Variants in ZNF276 observed in about 807,000 individuals in gnomAD.
ZNF276 encodes centromere protein Z.
In ZNF276, 59 loss-of-function variants were observed where a neutral mutation model predicts 63.9. The observed-to-expected ratio is 0.92, with a 90% CI of 0.75 to 1.15. The LOEUF is 1.15. ZNF276 is among the 50% of genes most tolerant of loss of function. ZNF276 has a pLI of 0.00. For missense variants in ZNF276, 1,084 were observed against 843.8 expected (o/e 1.28, Z -3.53); for synonymous variants, 496 against 348.4 (o/e 1.42, Z -4.72).
rs543498594 is a variant in ZNF276 at position 89,736,029 on chromosome 16, C to T, written c.1475-1777C>T. On this transcript the variant is annotated intron_variant, in intron 9 of 10. Transcript: ENST00000443381. Reference sequence around the variant, plus strand: ...GCCTCAGCCTCCCAAATAGCTGGGACTACAGGTGCTGGCCACCACACCCAA... The same window carrying T: ...GCCTCAGCCTCCCAAATAGCTGGGATTACAGGTGCTGGCCACCACACCCAA... Among the ~76,000 whole-genome samples, 17 of 152,114 alleles carry T rather than the reference C, an allele frequency of 1.1e-4. No homozygotes were observed. In the South Asian group the frequency reaches 3.5e-3, roughly 32 times the overall value.
chr16:89,738,966 G>A lies in ZNF276; in HGVS notation c.*720G>A, dbSNP rs776860862. 9.9e-6 allele frequency: 16 copies of A among 1,614,186 alleles called. No individual in the cohort carries two copies. The highest frequency in any genetic ancestry group is 4.0e-5 in the African/African-American group (3 of 75,064). ...GACGAGCTTTTGTTATCAGTTCCAC[G>A]GGGTTGCCCTAGAGAGAAAACAGGC... On this transcript the variant is annotated 3_prime_UTR_variant, in exon 11 of 11. Transcript: ENST00000443381.
At position 89,723,541 on chromosome 16, in the gene ZNF276, G is replaced by A; in HGVS notation, c.838G>A (p.Gly280Arg). Residue 280 changes from glycine to arginine, a missense_variant, in exon 4 of 11, where the codon GGG becomes AGG. Coordinates refer to ENST00000443381, the MANE Select transcript of ZNF276 (RefSeq NM_001113525.2). ...RLPQHRGWNP[G>R]DAPQTSQGRG... ...GCCCCAGCACCGAGGGTGGAACCCTGGGGATGCCCCTCAGACCTCCCAGGG... is the reference window on the plus strand; with the variant it reads ...GCCCCAGCACCGAGGGTGGAACCCTAGGGATGCCCCTCAGACCTCCCAGGG... 1 of 1,612,814 alleles carries A rather than the reference G, an allele frequency of 6.2e-7. No individual in the cohort carries two copies. The highest frequency in any genetic ancestry group is 8.5e-7 in the Non-Finnish European group (1 of 1,179,970).
At chr16:89,724,804 A>G (rs941223699) in intron 4 of ZNF276, among the ~76,000 whole-genome samples, 10 of 145,496 alleles carry the variant, frequency 6.9e-5, no homozygotes, top group Admixed American at 3.5e-4. Context: ...GAACAATTCT[A>G]TCTATCTGTG....
intron 1 of ZNF276, among the ~76,000 whole-genome samples, 178 bp from the exon 2 acceptor site, chr16:89,722,353 G>T (rs2061320609): frequency 6.6e-6 from 1 of 152,232 alleles, no homozygotes; most frequent in Non-Finnish European, 1.5e-5. Context: ...TTGGACCAGC[G>T]GCCACATCCC....
chr16:89,740,659 C>A lies in ZNF276; in HGVS notation c.*2413C>A. On this transcript the variant is annotated 3_prime_UTR_variant, in exon 11 of 11. Transcript: ENST00000443381. ...CTCAAAAAAAAAAAAAAAAAACCCA[C>A]GGCCTGGGAGTTCTCACTCACACTT... is the stretch of plus-strand genomic sequence containing the variant. 1.5e-6 allele frequency: 1 copy of A among 652,780 alleles called. No homozygotes were observed. The highest frequency in any genetic ancestry group is 2.7e-6 in the Non-Finnish European group (1 of 366,834). The allele number at this position is 652,780 out of a possible 1,614,324, so 40.4% of individuals were successfully genotyped here.
At chr16:89,736,378 G>A (rs1399927620) in intron 9 of ZNF276, among the ~76,000 whole-genome samples, 2 of 149,216 alleles carry the variant, frequency 1.3e-5, no homozygotes, top group African/African-American at 2.5e-5. Flanking sequence ...AGCCTGGAGT[G>A]CAGCTGTGCA....
chr16:89,723,691 C>T lies in ZNF276; in HGVS notation c.988C>T (p.Pro330Ser), dbSNP rs1436507689. The T allele has an allele frequency of 6.2e-7, 1 of 1,610,480 alleles. No individual in the cohort carries two copies. The highest frequency in any genetic ancestry group is 8.5e-7 in the Non-Finnish European group (1 of 1,178,620). Residue 330 changes from proline (P) to serine (S), a missense_variant, in exon 4 of 11, where the codon CCC becomes TCC. Transcript: ENST00000443381. ...GGGCTTCCCACCTCAGCCAAGCCTG[C>T]CCCTTTGCAGGGCCCCAGGTAGGAG... ...RSGFPPQPSL[P>S]LCRAPGQLGE...
upstream of ZNF276, chr16:89,720,613 C>T (rs1263583467): frequency 2.5e-6 from 3 of 1,221,792 alleles, no homozygotes; most frequent in African/African-American, 1.6e-5. Context: ...GCCCCGCCCC[C>T]GTCCTCGCCC....
In ZNF276 at chr16:89,721,576, C is replaced by T. The variant is rs547774765; in HGVS notation, c.-65C>T. 7.7e-5 allele frequency: 110 copies of T among 1,429,470 alleles called. No individual in the cohort carries two copies. The highest frequency in any genetic ancestry group is 5.5e-4 in the African/African-American group (37 of 67,086). The allele number at this position is 1,429,470 out of a possible 1,614,324, so 88.5% of individuals were successfully genotyped here. ...CCAGCGCGCCGAGCGGAGCCTAACG[C>T]CGGGTCCTCTAGGAACCTCGGGCCG... On this transcript the variant is annotated 5_prime_UTR_variant, in exon 1 of 11. Transcript: ENST00000443381.
At chr16:89,736,891 C>T (rs755980791) in intron 9 of ZNF276, among the ~76,000 whole-genome samples, 56 of 150,198 alleles carry the variant, frequency 3.7e-4, no homozygotes, top group Middle Eastern at 3.5e-3. Context: ...GGCAACAGAG[C>T]AAGACTCAAG....
chr16:89,733,862 G>A (rs2061760160), intron 8 of ZNF276, 59 bp from the exon 9 acceptor site: 3 of 1,535,490 alleles, frequency 2.0e-6, no homozygotes, highest in Admixed American at 1.7e-5. Context: ...CCTACTGAGG[G>A]CTCGTGCCAT....
upstream of ZNF276, chr16:89,720,557 G>C: frequency 1.7e-6 from 2 of 1,182,166 alleles, no homozygotes; most frequent in Non-Finnish European, 2.1e-6. Context: ...GGAAAGCCAA[G>C]GTCCGCAGGA....
chr16:89,740,636 C>CAAA lies in ZNF276; in HGVS notation c.*2406_*2408dup, dbSNP rs371709074. ...GGGTGACAGAGTGAGACCCCCATCTCAAAAAAAAAAAAAAAAAACCCACGG... is the reference window on the plus strand; with the variant it reads ...GGGTGACAGAGTGAGACCCCCATCTCAAAAAAAAAAAAAAAAAAAAACCCACGG... On this transcript the variant is annotated 3_prime_UTR_variant, in exon 11 of 11. Coordinates refer to ENST00000443381, the MANE Select transcript of ZNF276 (RefSeq NM_001113525.2). 1,065 of 458,364 alleles carry CAAA rather than the reference C, an allele frequency of 2.3e-3. No homozygotes were observed. The highest frequency in any genetic ancestry group is 4.7e-3 in the East Asian group (129 of 27,442). The allele number at this position is 458,364 out of a possible 1,614,324, so 28.4% of individuals were successfully genotyped here. A position where few individuals can be genotyped will look rare whatever the true frequency, so the allele number is the denominator to read the frequency against.
chr16:89,720,436 C>G (rs1421636351), upstream of ZNF276: 4 of 1,048,124 alleles, frequency 3.8e-6, no homozygotes, highest in Non-Finnish European at 4.6e-6. Context: ...TGCACGAACG[C>G]ACGGACCTGC....
At chr16:89,737,338 G>A (rs1482566779) in intron 9 of ZNF276, among the ~76,000 whole-genome samples, 1 of 152,048 alleles carries the variant, frequency 6.6e-6, no homozygotes, top group Admixed American at 6.6e-5. Flanking sequence ...TGGCCAATAT[G>A]GTGTAAACCC....
rs1362276715 is a variant in ZNF276, at chr16:89,739,675, C to T, written c.*1429C>T. The T allele has an allele frequency of 5.3e-6, 8 of 1,514,010 alleles. No individual in the cohort carries two copies. Among genetic ancestry groups the T allele is most frequent in the Admixed American group, 3.9e-5 (2 of 50,862 alleles). 93.8% of individuals were successfully genotyped at this position (1,514,010 alleles called of 1,614,324 possible). On this transcript the variant is annotated 3_prime_UTR_variant, in exon 11 of 11. Coordinates refer to ENST00000443381, the MANE Select transcript of ZNF276 (RefSeq NM_001113525.2). ...GCCTGGCTGTGGGGATAGTGTGGGGCGAACAGCCTGAGCTGAGGATACCCA... is the reference window on the plus strand; with the variant it reads ...GCCTGGCTGTGGGGATAGTGTGGGGTGAACAGCCTGAGCTGAGGATACCCA...
rs1178460453 is a variant in ZNF276 at position 89,739,542 on chromosome 16, C to T, written c.*1296C>T. 1.3e-6 allele frequency: 2 copies of T among 1,551,264 alleles called. No individual in the cohort carries two copies. The highest frequency in any genetic ancestry group is 1.2e-5 in the South Asian group (1 of 84,064). Reference sequence around the variant, plus strand: ...GGGGCCACACGGAGGAGGAGCCGCCCCAGCCTGAGGTCTGCAACACCAAGA... The same window carrying T: ...GGGGCCACACGGAGGAGGAGCCGCCTCAGCCTGAGGTCTGCAACACCAAGA... On this transcript the variant is annotated 3_prime_UTR_variant, in exon 11 of 11. Coordinates refer to ENST00000443381, the MANE Select transcript of ZNF276 (RefSeq NM_001113525.2).
At chr16:89,734,926 A>C (rs984467975) in intron 9 of ZNF276, among the ~76,000 whole-genome samples, 2 of 152,162 alleles carry the variant, frequency 1.3e-5, no homozygotes, top group African/African-American at 4.8e-5. Context: ...TGGGAGGCTG[A>C]GGTGGGTGGA....
At chr16:89,729,507 T>TG (rs903667658) in intron 6 of ZNF276, among the ~76,000 whole-genome samples, 189 bp downstream of exon 6, 1 of 149,812 alleles carries the variant, frequency 6.7e-6, no homozygotes, top group African/African-American at 2.4e-5. Flanking sequence ...GGTGAGAAGG[T>TG]GGGTCCTCCT....
Sources: gnomAD v4.1 joint callset for allele counts (sites outside exome capture counted in the v4.1 genomes callset) on GRCh38, gnomAD v4.1.1 for gene constraint, MANE v1.5 for transcripts, NCBI Gene and HGNC (gene_info 2026-07-23, HGNC 2026-07-21) for gene names.